Variants in ITGA11 observed in about 807,000 individuals in gnomAD.
ITGA11 encodes integrin subunit alpha 11.
In ITGA11, 97 loss-of-function variants were observed where a neutral mutation model predicts 141.9. The ratio of observed to expected loss-of-function variants is 0.68; its 90% CI spans 0.58 to 0.81. ITGA11 has a LOEUF of 0.81. Ranked by LOEUF, ITGA11 falls within the 30% of genes least tolerant of loss-of-function variation. ITGA11 has a pLI of 0.00. For synonymous variants in ITGA11, 658 were observed against 624.6 expected, an observed-to-expected ratio of 1.05 and a Z score of -0.80; for missense variants, 1,387 against 1,559.2, an observed-to-expected ratio of 0.89 and a Z score of 1.86.
rs1893815202 is a variant in ITGA11, at chr15:68,321,569, C to T, written c.2323-66G>A. ...CCCGCAGCCCCTCGCCCTCAATGTA[C>T]ACCAGCTCTGTCTCCACCACACTAG... On this transcript the variant is annotated intron_variant, in intron 18 of 29. Coordinates refer to ENST00000315757, the MANE Select transcript of ITGA11 (RefSeq NM_001004439.2). This position sits in a 1 kb window ranked among gnomAD's most constrained non-coding sequence, Gnocchi z 4.9. The T allele has an allele frequency of 9.8e-7, 1 of 1,017,930 alleles. No homozygotes were observed. The allele number at this position is 1,017,930 out of a possible 1,614,324, so 63.1% of individuals were successfully genotyped here. A position where few individuals can be genotyped will look rare whatever the true frequency, so the allele number is the denominator to read the frequency against.
At position 68,335,604 on chromosome 15, in the gene ITGA11, A is replaced by T; in HGVS notation, c.1425+93T>A. 7.1e-7 allele frequency: 1 copy of T among 1,418,370 alleles called. No individual in the cohort carries two copies. The highest frequency in any genetic ancestry group is 9.7e-7 in the Non-Finnish European group (1 of 1,030,830). 87.9% of individuals were successfully genotyped at this position (1,418,370 alleles called of 1,614,324 possible). On this transcript the variant is annotated intron_variant, in intron 12 of 29. Coordinates refer to ENST00000315757, the MANE Select transcript of ITGA11 (RefSeq NM_001004439.2). The surrounding 1 kb of genome is among the most constrained non-coding windows in gnomAD (Gnocchi z 4.9). ...AACATGACTGCCCTTTGGGGCACCCAGTGGTCCAGGCATGCCTGTATTTAC... is the reference window on the plus strand; with the variant it reads ...AACATGACTGCCCTTTGGGGCACCCTGTGGTCCAGGCATGCCTGTATTTAC...
rs533476727 is a variant in ITGA11 at position 68,343,378 on chromosome 15, C to A, written c.1132-3734G>T. 2.1e-4 allele frequency among the ~76,000 whole-genome samples: 32 copies of A among 152,276 alleles called. 1 individual carries two copies. The South Asian group carries it at 6.6e-3, about 32-fold the overall frequency. On this transcript the variant is annotated intron_variant, in intron 10 of 29. Coordinates refer to ENST00000315757, the MANE Select transcript of ITGA11 (RefSeq NM_001004439.2). ...AATCTTACTTGATTTATTAGTAAGTCTCAAAACGAACACTTCCAGTTCCAA... is the reference window on the plus strand; with the variant it reads ...AATCTTACTTGATTTATTAGTAAGTATCAAAACGAACACTTCCAGTTCCAA...
chr15:68,368,902 G>A (rs930024203), intron 3 of ITGA11, among the ~76,000 whole-genome samples: 1 of 134,540 alleles, frequency 7.4e-6, no homozygotes, highest in Non-Finnish European at 1.6e-5. Flanking sequence ...ACTTTGAGTT[G>A]AAGGGCAGTG....
At chr15:68,319,059 G>A (rs1232474144) in intron 20 of ITGA11, among the ~76,000 whole-genome samples, 1 of 152,246 alleles carries the variant, frequency 6.6e-6, no homozygotes, top group East Asian at 1.9e-4. Context: ...ATGAAGGGCT[G>A]TACCAGATGC....
chr15:68,364,832 C>G (rs1397103037), intron 3 of ITGA11, 34 bp from the exon 4 acceptor site: 2 of 1,589,886 alleles, frequency 1.3e-6, no homozygotes, highest in Non-Finnish European at 8.6e-7. Context: ...CTTGCAGCCC[C>G]CTCCTGCCCG....
chr15:68,375,037 G>A (rs374308849), intron 2 of ITGA11, among the ~76,000 whole-genome samples: 32 of 152,256 alleles, frequency 2.1e-4, no homozygotes, highest in African/African-American at 6.0e-4. Context: ...AGGACTCCTC[G>A]TCCTGTGCTC....
chr15:68,405,813 CAGAG>C (rs1896639769), intron 1 of ITGA11, among the ~76,000 whole-genome samples: 1 of 152,084 alleles, frequency 6.6e-6, no homozygotes, highest in Non-Finnish European at 1.5e-5. Context: ...GTTGCAGTGG[CAGAG>C]AGAAACTTAC....
chr15:68,327,749 C>T (rs1894025754), intron 16 of ITGA11, among the ~76,000 whole-genome samples: 1 of 152,238 alleles, frequency 6.6e-6, no homozygotes, highest in South Asian at 2.1e-4. Flanking sequence ...CCCTGTAGGA[C>T]TCCTGGGTCT....
At chr15:68,345,764 C>T (rs1269543153) in intron 10 of ITGA11, among the ~76,000 whole-genome samples, 1 of 152,184 alleles carries the variant, frequency 6.6e-6, no homozygotes, top group Non-Finnish European at 1.5e-5. Context: ...AAGGCTGGAC[C>T]CAATAGCCCT....
In ITGA11 at chr15:68,327,824, TG is replaced by T. The variant is rs1407181454; in HGVS notation, c.2068+271del. 5.9e-5 allele frequency among the ~76,000 whole-genome samples: 9 copies of T among 152,322 alleles called. No individual in the cohort carries two copies. The East Asian group carries it at 1.5e-3, about 26-fold the overall frequency. ...CTCCACTGGCATCAGTCCTGTGCTC[TG>T]ATCCAAACTCTACGCCCAGACTGTT... On this transcript the variant is annotated intron_variant, in intron 16 of 29. Coordinates refer to ENST00000315757, the MANE Select transcript of ITGA11 (RefSeq NM_001004439.2).
At chr15:68,380,591 G>T (rs1895836409) in intron 2 of ITGA11, among the ~76,000 whole-genome samples, 1 of 152,166 alleles carries the variant, frequency 6.6e-6, no homozygotes, top group Admixed American at 6.5e-5. Context: ...TCTGCTGTCT[G>T]GGGAGCCTTC....
intron 3 of ITGA11, among the ~76,000 whole-genome samples, chr15:68,366,344 G>A (rs1029308559): frequency 6.6e-6 from 1 of 152,082 alleles, no homozygotes; most frequent in African/African-American, 2.4e-5. Flanking sequence ...ACTGCCACAA[G>A]GTTACCTGCT....
At chr15:68,317,881 A>G (rs944421116) in intron 20 of ITGA11, among the ~76,000 whole-genome samples, 2 of 152,206 alleles carry the variant, frequency 1.3e-5, no homozygotes, top group South Asian at 4.2e-4. Flanking sequence ...GGATGTGAGC[A>G]TGTGTCTGTG....
At position 68,304,555 on chromosome 15, in the gene ITGA11, C is replaced by G. The variant is rs1278001672; in HGVS notation, c.3382-670G>C. On this transcript the variant is annotated intron_variant, in intron 28 of 29. Coordinates refer to ENST00000315757, the MANE Select transcript of ITGA11 (RefSeq NM_001004439.2). This position sits in a 1 kb window ranked among gnomAD's most constrained non-coding sequence, Gnocchi z 6.1. ...GAAAGTAAGCCCAGGCCAGCTCCCT[C>G]AGTCCTGTGGCTATCACCGTCTACA... Among the ~76,000 whole-genome samples, 4 of 152,164 alleles carry G rather than the reference C, an allele frequency of 2.6e-5. No homozygotes were observed. The highest frequency in any genetic ancestry group is 9.7e-5 in the African/African-American group (4 of 41,434).
rs146305618 is a variant in ITGA11 at position 68,404,838 on chromosome 15, A to G, written c.53-1809T>C. Among the ~76,000 whole-genome samples, 943 of 152,360 alleles carry G rather than the reference A, an allele frequency of 6.2e-3. 10 individuals are homozygous for G. Among genetic ancestry groups the G allele is most frequent in the African/African-American group, 0.02 (829 of 41,594 alleles). On this transcript the variant is annotated intron_variant, in intron 1 of 29. Coordinates refer to ENST00000315757, the MANE Select transcript of ITGA11 (RefSeq NM_001004439.2). ...GGATAAGTAAAAATGAATTGGCAGA[A>G]TAGACCTTTTATCATTGTTGCCCCT... is the stretch of plus-strand genomic sequence containing the variant.
chr15:68,384,072 G>A (rs549661777), intron 2 of ITGA11, among the ~76,000 whole-genome samples: 3 of 152,032 alleles, frequency 2.0e-5, no homozygotes, highest in South Asian at 4.2e-4. Context: ...GCATGCAATG[G>A]CTGAACTCCT....
In ITGA11 at chr15:68,308,806, TG is replaced by T. The variant is rs1330613377; in HGVS notation, c.3175-1111del. On this transcript the variant is annotated intron_variant, in intron 26 of 29. Coordinates refer to ENST00000315757, the MANE Select transcript of ITGA11 (RefSeq NM_001004439.2). This position sits in a 1 kb window ranked among gnomAD's most constrained non-coding sequence, Gnocchi z 5.2. ...AAAAGGGATTAGAGGACACTGAAGA[TG>T]GAGCTTGCAGCAGCAGATCATTCAT... Among the ~76,000 whole-genome samples, 5 of 150,306 alleles carry T rather than the reference TG, an allele frequency of 3.3e-5. No individual in the cohort carries two copies. The highest frequency in any genetic ancestry group is 1.2e-4 in the African/African-American group (5 of 40,434).
intron 2 of ITGA11, among the ~76,000 whole-genome samples, chr15:68,391,684 A>T (rs1263717478): frequency 2.6e-5 from 4 of 152,232 alleles, no homozygotes; most frequent in Non-Finnish European, 5.9e-5. Context: ...GAAAGCCTTC[A>T]TGGAGAAAGT....
intron 7 of ITGA11, among the ~76,000 whole-genome samples, chr15:68,353,306 CTA>C (rs1894971546): frequency 6.6e-6 from 1 of 152,182 alleles, no homozygotes; most frequent in Admixed American, 6.5e-5. Context: ...AAAAAACCCA[CTA>C]ATTTTAGTAT....
Sources: allele counts gnomAD v4.1 joint callset (sites outside exome capture counted in the v4.1 genomes callset), GRCh38; gene constraint gnomAD v4.1.1; non-coding constraint Gnocchi (gnomAD v3.1); transcripts MANE v1.5; gene names NCBI Gene and HGNC (gene_info 2026-07-23, HGNC 2026-07-21).